The following RGPD2 variants were observed in gnomAD, a reference collection of about 807,000 sequenced individuals.
RGPD2 encodes RANBP2 like and GRIP domain containing 2.
In RGPD2, 2 loss-of-function variants were observed where a neutral mutation model predicts 36.0. The observed-to-expected ratio is 0.06, with a 90% CI of 0.02 to 0.17. The LOEUF (loss-of-function observed/expected upper bound fraction) is 0.17, where lower values mean the gene tolerates loss of function less well. Among genes scored for constraint, RGPD2 ranks in the 10% least tolerant of loss-of-function variants. The probability of loss-of-function intolerance (pLI) is 1.00; values close to 1 mark genes in which losing one functional copy is unlikely to be tolerated. For synonymous variants in RGPD2, 19 were observed against 163.8 expected (o/e 0.12, Z 6.75); for missense variants, 40 against 464.3 (o/e 0.09, Z 8.40).
intron 6 of RGPD2, among the ~76,000 whole-genome samples, chr2:87,809,769 G>A (rs1243540604): frequency 4.0e-5 from 6 of 151,436 alleles, no homozygotes; most frequent in Non-Finnish European, 1.5e-5. Context: ...TCATGGTCCG[G>A]ATTCTCCCCT....
the RGPD2 span, chr2:87,985,944 T>C: frequency 6.8e-7 from 1 of 1,474,576 alleles, no homozygotes; most frequent in Non-Finnish European, 9.3e-7. Context: ...ATTTTAGTAT[T>C]CTTACTCTGC....
At chr2:87,882,086 C>T in the RGPD2 span, among the ~76,000 whole-genome samples, 6 of 152,268 alleles carry the variant, frequency 3.9e-5, no homozygotes, top group Non-Finnish European at 5.9e-5. Context: ...AGGGATCTAT[C>T]TCCATGACAT....
At chr2:87,836,297 GAGAA>G in the RGPD2 span, among the ~76,000 whole-genome samples, 3 of 148,208 alleles carry the variant, frequency 2.0e-5, no homozygotes, top group African/African-American at 7.5e-5. Context: ...AAGAAAGAAA[GAGAA>G]AGAAAAAGAG....
chr2:87,825,617 C>G (rs1313505228), intron 1 of RGPD2, 41 bp downstream of exon 1: 1 of 1,468,282 alleles, frequency 6.8e-7, no homozygotes, highest in Non-Finnish European at 9.1e-7. Context: ...GGCCGCCGCC[C>G]GGCCAGGTCG....
At chr2:87,854,757 C>T in the RGPD2 span, among the ~76,000 whole-genome samples, 4 of 151,978 alleles carry the variant, frequency 2.6e-5, no homozygotes, top group Non-Finnish European at 5.9e-5. Flanking sequence ...GAATGCACCA[C>T]AGTTTGTTTA....
chr2:87,859,632 C>T, the RGPD2 span, among the ~76,000 whole-genome samples: 3 of 152,228 alleles, frequency 2.0e-5, no homozygotes, highest in African/African-American at 7.2e-5. Flanking sequence ...CTTTTCTCAA[C>T]TCATCATAAT....
chr2:87,980,138 G>A, the RGPD2 span, among the ~76,000 whole-genome samples: 1 of 152,070 alleles, frequency 6.6e-6, no homozygotes, highest in Non-Finnish European at 1.5e-5. Flanking sequence ...GTCACTTGAG[G>A]TCAGGAGTTC....
At chr2:87,961,580 T>G in the RGPD2 span, among the ~76,000 whole-genome samples, 1 of 150,216 alleles carries the variant, frequency 6.7e-6, no homozygotes, top group South Asian at 2.1e-4. Context: ...TGGGCCCCTG[T>G]AATCCCAGCT....
the RGPD2 span, among the ~76,000 whole-genome samples, chr2:87,935,265 C>T: frequency 2.0e-5 from 3 of 149,104 alleles, no homozygotes; most frequent in Admixed American, 2.0e-4. Context: ...CAGTATCTGC[C>T]TCTATCTTTC....
the RGPD2 span, among the ~76,000 whole-genome samples, chr2:87,983,862 G>A: frequency 6.6e-6 from 1 of 152,216 alleles, no homozygotes; most frequent in Non-Finnish European, 1.5e-5. Flanking sequence ...TGAGGCCAAT[G>A]TGGCTGGGAT....
chr2:87,768,948 T>C (rs1210574511), intron 22 of RGPD2, among the ~76,000 whole-genome samples: 7 of 6,928 alleles, frequency 1.0e-3, no homozygotes, highest in African/African-American at 3.3e-3. Flanking sequence ...TGAACTATCT[T>C]GTAGTTTACA....
the RGPD2 span, among the ~76,000 whole-genome samples, chr2:87,884,800 A>G: frequency 6.6e-6 from 1 of 152,080 alleles, no homozygotes; most frequent in Non-Finnish European, 1.5e-5. Context: ...TAAAAATTAA[A>G]AAGTCTGTTC....
the RGPD2 span, among the ~76,000 whole-genome samples, chr2:87,852,802 T>G: frequency 2.0e-5 from 3 of 152,298 alleles, no homozygotes; most frequent in South Asian, 6.2e-4. Flanking sequence ...CCTAACTATT[T>G]TATTTAAAAA....
At chr2:87,853,065 T>C in the RGPD2 span, among the ~76,000 whole-genome samples, 1 of 152,236 alleles carries the variant, frequency 6.6e-6, no homozygotes, top group African/African-American at 2.4e-5. Flanking sequence ...GCTCGGTAAG[T>C]GGTGATTCAT....
chr2:87,913,455 G>A, the RGPD2 span, among the ~76,000 whole-genome samples: 1 of 151,534 alleles, frequency 6.6e-6, no homozygotes, highest in Admixed American at 6.6e-5. Flanking sequence ...ATGATGAGTT[G>A]ATGGGTGCAG....
chr2:87,989,475 A>C, the RGPD2 span, among the ~76,000 whole-genome samples: 442 of 152,360 alleles, frequency 2.9e-3, 2 homozygotes, highest in African/African-American at 0.01. Context: ...CAACTGACTC[A>C]ACAAGCTTTT....
At chr2:87,813,799 A>G (rs907824771) in intron 4 of RGPD2, among the ~76,000 whole-genome samples, 19 of 137,536 alleles carry the variant, frequency 1.4e-4, no homozygotes, top group Admixed American at 2.9e-4. Flanking sequence ...AATGTCAGAA[A>G]CTGTTTACCT....
chr2:87,929,420 A>G, the RGPD2 span, among the ~76,000 whole-genome samples: 1 of 146,418 alleles, frequency 6.8e-6, no homozygotes, highest in Non-Finnish European at 1.5e-5. Flanking sequence ...TGGTTACTGT[A>G]GCTCTGTAGT....
At chr2:87,916,020 G>A in the RGPD2 span, among the ~76,000 whole-genome samples, 1 of 149,536 alleles carries the variant, frequency 6.7e-6, no homozygotes, top group Admixed American at 6.6e-5. Context: ...AAGGTAAACA[G>A]TGCTCCCTAC....
Sources: allele counts gnomAD v4.1 joint callset (sites outside exome capture counted in the v4.1 genomes callset), GRCh38; gene constraint gnomAD v4.1.1; transcripts MANE v1.5; gene names NCBI Gene and HGNC (gene_info 2026-07-23, HGNC 2026-07-21).